OSBPL8: variants seen among roughly 807,000 people sequenced by gnomAD.
OSBPL8 encodes oxysterol binding protein like 8.
Under a neutral mutation model 125.5 loss-of-function variants are expected in OSBPL8, and 59 were observed. That is an observed-to-expected ratio of 0.47 (90% CI 0.38 to 0.58). OSBPL8 has a LOEUF of 0.58. Ranked by LOEUF, OSBPL8 falls within the 20% of genes least tolerant of loss-of-function variation. OSBPL8 has a pLI of 0.00. For synonymous variants in OSBPL8, 330 were observed against 338.9 expected (o/e 0.97, Z 0.29); for missense variants, 758 against 1,047.8 (o/e 0.72, Z 3.82).
In OSBPL8 at chr12:76,460,887, A is replaced by C. The variant is rs553213418; in HGVS notation, c.43-992T>G. 4.7e-4 allele frequency among the ~76,000 whole-genome samples: 72 copies of C among 152,318 alleles called. 1 individual carries two copies. Among genetic ancestry groups the C allele is most frequent in the African/African-American group, 1.7e-3 (70 of 41,584 alleles). On this transcript the variant is annotated intron_variant, in intron 2 of 23. Transcript: ENST00000261183. ...GGTCTTAAAGAGACCTGAGGATCTT[A>C]ATTGGCTGTGACAAAACAAGTTAGC...
chr12:76,467,671 T>TC (rs927680758), intron 2 of OSBPL8, among the ~76,000 whole-genome samples: 2 of 152,144 alleles, frequency 1.3e-5, no homozygotes, highest in African/African-American at 4.8e-5. Flanking sequence ...CTTTTTTTTT[T>TC]CACTTCCCAT....
At chr12:76,538,952 GAAA>G (rs1273153382) in intron 1 of OSBPL8, among the ~76,000 whole-genome samples, 1 of 143,696 alleles carries the variant, frequency 7.0e-6, no homozygotes, top group African/African-American at 2.6e-5. Context: ...CAAAAAAAAA[GAAA>G]AAAAGAAAAA....
intron 5 of OSBPL8, among the ~76,000 whole-genome samples, chr12:76,406,433 CCTTTT>C (rs1359240701): frequency 6.6e-6 from 1 of 152,140 alleles, no homozygotes; most frequent in Non-Finnish European, 1.5e-5. Context: ...AACTCCTTAT[CCTTTT>C]AACAGAATTC....
chr12:76,406,439 A>T (rs969271864), intron 5 of OSBPL8, among the ~76,000 whole-genome samples: 1 of 152,232 alleles, frequency 6.6e-6, no homozygotes, highest in Non-Finnish European at 1.5e-5. Context: ...TTATCCTTTT[A>T]ACAGAATTCC....
chr12:76,485,694 T>C (rs1477353907), intron 2 of OSBPL8, among the ~76,000 whole-genome samples: 3 of 152,222 alleles, frequency 2.0e-5, no homozygotes, highest in Non-Finnish European at 2.9e-5. Context: ...AGTAGTAAAG[T>C]ATTCAGAGAC....
chr12:76,385,251 T>A (rs1229284611), intron 14 of OSBPL8, among the ~76,000 whole-genome samples: 1 of 152,146 alleles, frequency 6.6e-6, no homozygotes, highest in African/African-American at 2.4e-5. Context: ...GAACACATGG[T>A]CTTTTCATTC....
intron 1 of OSBPL8, among the ~76,000 whole-genome samples, chr12:76,532,699 C>A (rs1390732206): frequency 1.3e-5 from 2 of 151,244 alleles, no homozygotes; most frequent in Non-Finnish European, 3.0e-5. Flanking sequence ...CCACGCTCTC[C>A]TAGCAAAAGG....
At chr12:76,444,472 G>GTAGAAA (rs1282931343) in intron 4 of OSBPL8, among the ~76,000 whole-genome samples, 1 of 152,162 alleles carries the variant, frequency 6.6e-6, no homozygotes, top group African/African-American at 2.4e-5. Context: ...GGATAAGCAA[G>GTAGAAA]TAGAAAGGAG....
At chr12:76,372,973 C>T (rs1952676438) in intron 18 of OSBPL8, among the ~76,000 whole-genome samples, 2 of 152,270 alleles carry the variant, frequency 1.3e-5, no homozygotes, top group South Asian at 4.1e-4. Context: ...CTCTGTGCCT[C>T]AGTGTCCTCT....
At chr12:76,404,350 T>C (rs574580789) in intron 5 of OSBPL8, among the ~76,000 whole-genome samples, 1 of 152,280 alleles carries the variant, frequency 6.6e-6, no homozygotes, top group East Asian at 1.9e-4. Context: ...TTAGAAACTA[T>C]TAAATAAAAA....
intron 1 of OSBPL8, among the ~76,000 whole-genome samples, chr12:76,533,120 A>T (rs1163930690): frequency 6.6e-6 from 1 of 152,240 alleles, no homozygotes; most frequent in Non-Finnish European, 1.5e-5. Flanking sequence ...AGTAAAATCA[A>T]TGTCAGACAT....
chr12:76,448,177 AC>A (rs1421387162), intron 4 of OSBPL8, among the ~76,000 whole-genome samples: 3 of 152,140 alleles, frequency 2.0e-5, no homozygotes, highest in African/African-American at 7.2e-5. Flanking sequence ...TTCACGCTGT[AC>A]CCTAAATAAA....
chr12:76,407,055 T>C (rs955893628), intron 5 of OSBPL8, among the ~76,000 whole-genome samples: 1 of 152,192 alleles, frequency 6.6e-6, no homozygotes, highest in Non-Finnish European at 1.5e-5. Flanking sequence ...TGCATCAAGT[T>C]GGGAAAAGTT....
intron 1 of OSBPL8, among the ~76,000 whole-genome samples, chr12:76,559,008 G>A (rs925362935): frequency 7.9e-5 from 12 of 152,178 alleles, no homozygotes; most frequent in African/African-American, 2.7e-4. Flanking sequence ...AGGAAAGAAG[G>A]AGCCTCGCCT....
At chr12:76,479,474 A>G (rs938683552) in intron 2 of OSBPL8, among the ~76,000 whole-genome samples, 8 of 152,320 alleles carry the variant, frequency 5.3e-5, no homozygotes, top group Admixed American at 1.3e-4. Flanking sequence ...TTCTAACCCA[A>G]TTAGAATTCT....
At position 76,394,663 on chromosome 12, in the gene OSBPL8, C is replaced by T; in HGVS notation, c.739G>A (p.Ala247Thr). ...PLPSSYLIIR[A>T]TSESDGRCWM... ...TACTTACCATCTGACTCTGAAGTAGCTCGGATGATCAAATAACTGCTAGGT... is the reference window on the plus strand; with the variant it reads ...TACTTACCATCTGACTCTGAAGTAGTTCGGATGATCAAATAACTGCTAGGT... Residue 247 changes from alanine (A) to threonine (T), a missense_variant, in exon 9 of 24, where the codon GCT becomes ACT. Around this residue, in one of 3 missense-constraint regions of OSBPL8, gnomAD observed 572 missense variants for 762.0 expected, o/e 0.75. Transcript: ENST00000261183. 6.2e-7 allele frequency: 1 copy of T among 1,612,304 alleles called. No homozygotes were observed. Among genetic ancestry groups the T allele is most frequent in the Non-Finnish European group, 8.5e-7 (1 of 1,179,202 alleles).
chr12:76,463,801 A>T (rs1201011874), intron 2 of OSBPL8, among the ~76,000 whole-genome samples: 1 of 152,214 alleles, frequency 6.6e-6, no homozygotes, highest in African/African-American at 2.4e-5. Flanking sequence ...CCAATGGGAA[A>T]CAGGATATAA....
At chr12:76,422,559 G>A (rs757797631) in intron 4 of OSBPL8, 56 of 456,444 alleles carry the variant, frequency 1.2e-4, no homozygotes, top group African/African-American at 5.4e-4. Flanking sequence ...GAAGCATTCC[G>A]AACAAGCTTT....
chr12:76,478,188 C>G (rs1217777400), intron 2 of OSBPL8, among the ~76,000 whole-genome samples: 2 of 151,822 alleles, frequency 1.3e-5, no homozygotes, highest in African/African-American at 4.8e-5. Flanking sequence ...GGCAACAGAG[C>G]GAGACTCCAT....
Sources: gnomAD v4.1 joint callset for allele counts (sites outside exome capture counted in the v4.1 genomes callset) on GRCh38, gnomAD v4.1.1 for gene constraint, gnomAD v4.1.1 regional missense constraint, MANE v1.5 for transcripts, NCBI Gene and HGNC (gene_info 2026-07-23, HGNC 2026-07-21) for gene names.